PWWP2A: variants seen among roughly 807,000 people sequenced by gnomAD.
PWWP2A encodes the protein PWWP domain containing 2A.
In PWWP2A, 18 loss-of-function variants were observed where a neutral mutation model predicts 48.5. That is an observed-to-expected ratio of 0.37 (90% CI 0.26 to 0.55). The LOEUF is 0.55. Among genes scored for constraint, PWWP2A ranks in the 20% least tolerant of loss-of-function variants. The pLI, the probability that PWWP2A is intolerant of heterozygous loss-of-function variation, is 0.81. For missense variants in PWWP2A, 867 were observed against 976.4 expected, an observed-to-expected ratio of 0.89 and a Z score of 1.49; for synonymous variants, 396 against 387.7, an observed-to-expected ratio of 1.02 and a Z score of -0.25.
chr5:160,107,822 GA>G (rs2113636150), intron 1 of PWWP2A, among the ~76,000 whole-genome samples: 1 of 152,202 alleles, frequency 6.6e-6, no homozygotes, highest in South Asian at 2.1e-4. Flanking sequence ...CCAATATGGT[GA>G]AACTCTGTCT....
At chr5:160,105,605 G>C in intron 1 of PWWP2A, 1 of 701,660 alleles carries the variant, frequency 1.4e-6, no homozygotes, top group Non-Finnish European at 1.7e-6. Flanking sequence ...CATGCCAGAA[G>C]GGGACTATAG....
chr5:160,098,920 G>A (rs1048792064), intron 1 of PWWP2A, among the ~76,000 whole-genome samples: 3 of 152,094 alleles, frequency 2.0e-5, no homozygotes, highest in Non-Finnish European at 4.4e-5. Context: ...CTCCAGCCTG[G>A]GTGACAGGGC....
the PWWP2A span, chr5:160,049,482 T>C: frequency 3.9e-6 from 6 of 1,540,250 alleles, no homozygotes; most frequent in Admixed American, 2.2e-5. Context: ...CATTTTTCTT[T>C]GTGATAAAAA....
chr5:160,051,747 T>C, the PWWP2A span, among the ~76,000 whole-genome samples: 1 of 152,130 alleles, frequency 6.6e-6, no homozygotes, highest in South Asian at 2.1e-4. Context: ...CATTTTAGAG[T>C]TGGAACCTCC....
chr5:160,080,430 G>A (rs1421658016), intron 3 of PWWP2A, among the ~76,000 whole-genome samples: 1 of 152,152 alleles, frequency 6.6e-6, no homozygotes, highest in Non-Finnish European at 1.5e-5. Context: ...AAGCTCACAG[G>A]AGACTCCTCT....
At position 160,069,541 on chromosome 5, in the gene PWWP2A, C is replaced by T. The variant is rs1203591074; in HGVS notation, c.*80-2670G>A. Among the ~76,000 whole-genome samples the T allele has an allele frequency of 2.6e-5, 4 of 150,944 alleles. No individual in the cohort carries two copies. The East Asian group carries it at 7.7e-4, about 29-fold the overall frequency. On this transcript the variant is annotated intron_variant and NMD_transcript_variant, in intron 2 of 5. Coordinates refer to the PWWP2A transcript ENST00000524050. Reference sequence around the variant, plus strand: ...AGCTAGGGTTTCTCAACAGTGAATCCAGTAATCATACCCATGAAGCTCAAA... The same window carrying T: ...AGCTAGGGTTTCTCAACAGTGAATCTAGTAATCATACCCATGAAGCTCAAA...
the PWWP2A span, among the ~76,000 whole-genome samples, chr5:160,045,275 A>C: frequency 6.6e-6 from 1 of 152,128 alleles, no homozygotes; most frequent in East Asian, 1.9e-4. Flanking sequence ...AAATGAGGGA[A>C]AGGAGAAGAA....
the PWWP2A span, chr5:160,051,122 T>G: frequency 6.3e-7 from 1 of 1,596,694 alleles, no homozygotes; most frequent in Non-Finnish European, 8.5e-7. Context: ...TCTCCTCTTT[T>G]CCTCAGAGAT....
exon 4 of PWWP2A, chr5:160,076,627 C>A (rs954457232): frequency 1.3e-5 from 2 of 152,190 alleles, no homozygotes; most frequent in East Asian, 3.8e-4. Context: ...GCATTAAGCT[C>A]ATTAGACACA....
chr5:160,093,646 T>C lies in PWWP2A; in HGVS notation c.1004A>G (p.Glu335Gly). The stretch of plus-strand genomic sequence containing the variant: ...AGTTGCACTACTACCTTTTCTAATT[T>C]CCTTTTTTTCAGCAACAACACTGTT... ...CKNSVVAEKK[E>G]IRKGSSATDS... is the part of the protein sequence containing the mutation. Residue 335 changes from glutamate to glycine, a missense_variant, in exon 2 of 2, where the codon GAA (glutamate) becomes GGA (glycine). Coordinates refer to ENST00000307063, the MANE Select transcript of PWWP2A (RefSeq NM_001130864.2). The surrounding 1 kb of genome is among the most constrained non-coding windows in gnomAD (Gnocchi z 5.8). The C allele has an allele frequency of 1.2e-6, 2 of 1,614,068 alleles. No individual in the cohort carries two copies. The highest frequency in any genetic ancestry group is 1.7e-6 in the Non-Finnish European group (2 of 1,179,896).
chr5:160,092,022 ATATACACACACACACACGTATATATATG>A lies in PWWP2A; in HGVS notation c.*332_*359del. 1 of 467,062 alleles carries A rather than the reference ATATACACACACACACACGTATATATATG, an allele frequency of 2.1e-6. No homozygotes were observed. The allele number at this position is 467,062 out of a possible 1,614,324, so 28.9% of individuals were successfully genotyped here. On this transcript the variant is annotated 3_prime_UTR_variant, in exon 2 of 2. Coordinates refer to ENST00000307063, the MANE Select transcript of PWWP2A (RefSeq NM_001130864.2). ...TATATATACATACACGGATATATAT[ATATACACACACACACACGTATATATATG>A]TATATATACAGTATTAGGTACAAAT... is the stretch of plus-strand genomic sequence containing the variant.
chr5:160,086,602 G>A (rs188320621), downstream of PWWP2A, among the ~76,000 whole-genome samples: 47 of 151,958 alleles, frequency 3.1e-4, no homozygotes, highest in East Asian at 2.3e-3. Context: ...TTAACATCAA[G>A]GCTTTATGGG....
At chr5:160,080,568 G>T in intron 3 of PWWP2A, 1 of 1,251,818 alleles carries the variant, frequency 8.0e-7, no homozygotes, top group Non-Finnish European at 1.0e-6. Context: ...ATTCTTTTAA[G>T]TCTAGCCTAA....
At chr5:160,090,118 C>T, downstream of PWWP2A, 9 of 984,898 alleles carry the variant, frequency 9.1e-6, no homozygotes, top group Non-Finnish European at 1.1e-5. Flanking sequence ...CAACCTTTTC[C>T]TCAAAGGTGT....
At chr5:160,106,473 T>C (rs1756904483) in intron 1 of PWWP2A, among the ~76,000 whole-genome samples, 1 of 152,036 alleles carries the variant, frequency 6.6e-6, no homozygotes, top group African/African-American at 2.4e-5. Flanking sequence ...AAGTAAAACT[T>C]GGCAACCTTC....
chr5:160,049,710 G>A, the PWWP2A span: 75 of 1,396,754 alleles, frequency 5.4e-5, no homozygotes, highest in African/African-American at 1.0e-3. Flanking sequence ...TCTTTGTGTT[G>A]CTACCCAGTG....
At position 160,093,409 on chromosome 5, in the gene PWWP2A, G is replaced by C. The variant is rs1755290946; in HGVS notation, c.1241C>G (p.Thr414Ser). The stretch of plus-strand genomic sequence containing the variant: ...GTTCTTACTCTGGAGAACTTTTTTA[G>C]TACTTAACTGAGCTTTTGATGTATT... ...QANTSKAQLS[T>S]KKVLQSKNMD... Residue 414 changes from threonine (T) to serine (S), a missense_variant, in exon 2 of 2, where the codon ACT (threonine) becomes AGT (serine). Around this residue, in one of 4 missense-constraint regions of PWWP2A, gnomAD observed 382 missense variants for 407.2 expected, o/e 0.94. Transcript: ENST00000307063. This position sits in a 1 kb window ranked among gnomAD's most constrained non-coding sequence, Gnocchi z 5.8. The C allele has an allele frequency of 6.2e-7, 1 of 1,613,486 alleles. No homozygotes were observed. The highest frequency in any genetic ancestry group is 8.5e-7 in the Non-Finnish European group (1 of 1,179,798).
downstream of PWWP2A, among the ~76,000 whole-genome samples, chr5:160,075,391 TC>T (rs1264215039): frequency 1.3e-5 from 2 of 152,140 alleles, no homozygotes; most frequent in Non-Finnish European, 2.9e-5. Flanking sequence ...AGTTTCTGGG[TC>T]AGTCCTGTGA....
chr5:160,056,964 A>G (rs1757562251), downstream of PWWP2A, among the ~76,000 whole-genome samples: 1 of 152,130 alleles, frequency 6.6e-6, no homozygotes, highest in Non-Finnish European at 1.5e-5. Context: ...ACATGTAGGT[A>G]CAGAAACCCA....
Sources: gnomAD v4.1 joint callset for allele counts (sites outside exome capture counted in the v4.1 genomes callset) on GRCh38, gnomAD v4.1.1 for gene constraint, gnomAD v4.1.1 regional missense constraint, Gnocchi (gnomAD v3.1) non-coding constraint, MANE v1.5 for transcripts, NCBI Gene and HGNC (gene_info 2026-07-23, HGNC 2026-07-21) for gene names.